The following BACE1 variants were observed in gnomAD, a reference collection of about 807,000 sequenced individuals.
BACE1 encodes APP beta-secretase.
Under a neutral mutation model 54.0 loss-of-function variants are expected in BACE1, and 21 were observed. That is an observed-to-expected ratio of 0.39 (90% confidence interval 0.28 to 0.56). The LOEUF is 0.56. Ranked by LOEUF, BACE1 falls within the 20% of genes least tolerant of loss-of-function variation. The pLI is 0.63. For missense variants in BACE1, 511 were observed against 661.2 expected (o/e 0.77, Z 2.49); for synonymous variants, 232 against 260.9 (o/e 0.89, Z 1.07).
Position 117,289,211 on chromosome 11 carries a change from C to A in BACE1, c.*355G>T, listed in dbSNP as rs2034344339. ...AGGTAACCTGCGTGTGATGCCAGTA[C>A]TTCTGAAACTAAGAAAAGAAGAATA... On this transcript the variant is annotated 3_prime_UTR_variant, in exon 9 of 9. Transcript: ENST00000313005. 2 of 251,958 alleles carry A rather than the reference C, an allele frequency of 7.9e-6. No homozygotes were observed. Among genetic ancestry groups the A allele is most frequent in the Non-Finnish European group, 1.6e-5 (2 of 127,196 alleles). 15.6% of individuals were successfully genotyped at this position (251,958 alleles called of 1,614,324 possible).
intron 1 of BACE1, among the ~76,000 whole-genome samples, chr11:117,301,620 A>G (rs12279606): frequency 0.025 from 3,797 of 151,694 alleles, 144 homozygotes; most frequent in African/African-American, 0.086. Context: ...AAAAAAAAAA[A>G]GGTCAAATTC....
At chr11:117,292,903 T>G (rs961499057) in intron 5 of BACE1, 151 bp downstream of exon 5, 3 of 888,684 alleles carry the variant, frequency 3.4e-6, no homozygotes, top group Admixed American at 2.6e-5. Flanking sequence ...TGTGTGACCA[T>G]TAAGCCCCTG....
At chr11:117,312,664 C>T (rs1439708788) in intron 1 of BACE1, among the ~76,000 whole-genome samples, 1 of 152,110 alleles carries the variant, frequency 6.6e-6, no homozygotes. Flanking sequence ...GGTTTCACCA[C>T]GTTGGCCAGG....
intron 1 of BACE1, among the ~76,000 whole-genome samples, chr11:117,312,303 G>T (rs928905414): frequency 2.0e-5 from 3 of 152,182 alleles, no homozygotes; most frequent in African/African-American, 7.2e-5. Flanking sequence ...CAGTGGGATA[G>T]TATGGTGCCA....
chr11:117,289,720 T>C lies in BACE1; in HGVS notation c.1352A>G (p.Asp451Gly), dbSNP rs767541157. 1 of 1,614,206 alleles carries C rather than the reference T, an allele frequency of 6.2e-7. No individual in the cohort carries two copies. Among genetic ancestry groups the C allele is most frequent in the Non-Finnish European group, 8.5e-7 (1 of 1,180,044 alleles). ...EDCGYNIPQT[D>G]ESTLMTIAYV... ...GGCTATGGTCATGAGGGTTGACTCA[T>C]CTGTCTGTGGAATGTTGTAGCCACA... The change falls in exon 9 of 9, where the codon GAT (aspartate) becomes GGT (glycine). Residue 451 changes from aspartate (D) to glycine (G), a missense_variant. Physicochemically the swap from Asp to Gly is moderately conservative, Grantham distance 94. Transcript: ENST00000313005.
In BACE1 at chr11:117,293,876, TC is replaced by T. The variant is rs1348330503; in HGVS notation, c.699del (p.Ser234AlafsTer2). ...NQSEVLASVG[G>X]SMIIGGIDHS... ...CTCTCTGAGGACCTACTCACCATGCTCCCTCCGACAGAGGCCAGCACTTCAG... is the reference window on the plus strand; with the variant it reads ...CTCTCTGAGGACCTACTCACCATGCTCCTCCGACAGAGGCCAGCACTTCAG... On this transcript the variant is annotated frameshift_variant, in exon 4 of 9. Coordinates refer to ENST00000313005, the MANE Select transcript of BACE1 (RefSeq NM_012104.6). LOFTEE classifies it high-confidence loss of function. The surrounding 1 kb of genome is among the most constrained non-coding windows in gnomAD (Gnocchi z 4.1). 6.2e-7 allele frequency: 1 copy of T among 1,611,974 alleles called. No homozygotes were observed. The highest frequency in any genetic ancestry group is 8.5e-7 in the Non-Finnish European group (1 of 1,179,238).
chr11:117,292,181 C>CTTTTTTTTTTTTT (rs1173571595), intron 5 of BACE1: 2 of 62,850 alleles, frequency 3.2e-5, no homozygotes, highest in African/African-American at 6.7e-5. Flanking sequence ...CTTTTCTTTT[C>CTTTTTTTTTTTTT]TTTTTTTTTT....
rs490460 is a variant in BACE1 at position 117,293,049 on chromosome 11, C to A, written c.840+5G>T. The A allele has an allele frequency of 0.67, 1,079,720 of 1,612,066 alleles. 371,267 individuals carry two copies. Among genetic ancestry groups the A allele is most frequent in the East Asian group, 0.96 (43,126 of 44,848 alleles). ...TGTTCCCAGGCTCTCCCTTGGTTTT[C>A]TTACCTCCTTGCAGTCCATTTTCAG... On this transcript the variant is annotated splice_donor_5th_base_variant and intron_variant, in intron 5 of 8. Coordinates refer to ENST00000313005, the MANE Select transcript of BACE1 (RefSeq NM_012104.6). The surrounding 1 kb of genome is among the most constrained non-coding windows in gnomAD (Gnocchi z 4.1).
At chr11:117,299,958 T>C (rs2034686079) in intron 1 of BACE1, among the ~76,000 whole-genome samples, 1 of 152,046 alleles carries the variant, frequency 6.6e-6, no homozygotes, top group Non-Finnish European at 1.5e-5. Context: ...CGGCAAGTTC[T>C]AAGCAAATAT....
intron 1 of BACE1, among the ~76,000 whole-genome samples, chr11:117,306,000 C>A (rs2034826368): frequency 1.3e-5 from 2 of 152,124 alleles, no homozygotes; most frequent in African/African-American, 4.8e-5. Flanking sequence ...CGCACCACTG[C>A]ACTCCAGCCT....
intron 1 of BACE1, among the ~76,000 whole-genome samples, chr11:117,301,408 T>C (rs187786408): frequency 1.3e-5 from 2 of 152,162 alleles, no homozygotes; most frequent in East Asian, 1.9e-4. Context: ...CTGGACAACA[T>C]AGTGAGACCC....
chr11:117,315,375 T>C lies in BACE1; in HGVS notation c.261+160A>G, dbSNP rs768978752. On this transcript the variant is annotated intron_variant, in intron 1 of 8. Transcript: ENST00000313005. This position sits in a 1 kb window ranked among gnomAD's most constrained non-coding sequence, Gnocchi z 5.5. ...GAGGGAATGGGGAGCTTGGGAACAC[T>C]TCTGCCAACAACCACGTGACCCCCG... 6.6e-6 allele frequency among the ~76,000 whole-genome samples: 1 copy of C among 152,068 alleles called. No individual in the cohort carries two copies. The highest frequency in any genetic ancestry group is 2.4e-5 in the African/African-American group (1 of 41,420).
chr11:117,310,978 T>A (rs2034932646), intron 1 of BACE1, among the ~76,000 whole-genome samples: 1 of 151,922 alleles, frequency 6.6e-6, no homozygotes, highest in South Asian at 2.1e-4. Context: ...TAAAGACCTT[T>A]TTTTTTTTTT....
At chr11:117,306,887 C>A (rs687740) in intron 1 of BACE1, among the ~76,000 whole-genome samples, 112,440 of 152,110 alleles carry the variant, frequency 0.74, 42,479 homozygotes, top group East Asian at 0.94. Flanking sequence ...ACCCAGCCTA[C>A]AGTGCGCAGC....
intron 1 of BACE1, among the ~76,000 whole-genome samples, chr11:117,309,356 A>G (rs28989470): frequency 0.015 from 2,216 of 152,342 alleles, 52 homozygotes; most frequent in African/African-American, 0.049. Flanking sequence ...GCCCCATGGC[A>G]TCCCCACCAT....
At chr11:117,300,882 C>CA (rs1040989874) in intron 1 of BACE1, among the ~76,000 whole-genome samples, 4 of 152,096 alleles carry the variant, frequency 2.6e-5, no homozygotes, top group African/African-American at 9.7e-5. Context: ...AAAAACAAAA[C>CA]AAAAAACTTC....
intron 1 of BACE1, among the ~76,000 whole-genome samples, chr11:117,303,381 T>C (rs552970289): frequency 4.8e-4 from 73 of 152,264 alleles, no homozygotes; most frequent in African/African-American, 1.7e-3. Flanking sequence ...TCATGGGAAG[T>C]GCTAACAAGC....
At chr11:117,301,149 C>T (rs1169808379) in intron 1 of BACE1, among the ~76,000 whole-genome samples, 3 of 152,202 alleles carry the variant, frequency 2.0e-5, no homozygotes, top group African/African-American at 2.4e-5. Flanking sequence ...TGGCAGGCTC[C>T]TTTCTCAAGG....
chr11:117,294,700 A>G (rs1423337226), intron 3 of BACE1, among the ~76,000 whole-genome samples: 1 of 151,650 alleles, frequency 6.6e-6, no homozygotes, highest in Non-Finnish European at 1.5e-5. Flanking sequence ...CCTGGCTAAC[A>G]TGATGAAACC....
Sources: gnomAD v4.1 joint callset for allele counts (sites outside exome capture counted in the v4.1 genomes callset) on GRCh38, gnomAD v4.1.1 for gene constraint, Gnocchi (gnomAD v3.1) non-coding constraint, MANE v1.5 for transcripts, NCBI Gene and HGNC (gene_info 2026-07-23, HGNC 2026-07-21) for gene names.